The following CNGB3 variants were observed in gnomAD, a reference collection of about 807,000 sequenced individuals.
CNGB3 encodes cyclic nucleotide gated channel subunit beta 3, also known as cyclic nucleotide-gated channel beta-3.
Under a neutral mutation model 92.8 loss-of-function variants are expected in CNGB3, and 86 were observed. The ratio of observed to expected loss-of-function variants is 0.93; its 90% CI spans 0.78 to 1.11. The LOEUF (loss-of-function observed/expected upper bound fraction) is 1.11. Ranked by LOEUF, CNGB3 falls within the 50% of genes least tolerant of loss-of-function variation. CNGB3 has a pLI of 0.00. For missense variants in CNGB3, 1,026 were observed against 956.8 expected (o/e 1.07, Z -0.95); for synonymous variants, 333 against 332.7 (o/e 1.00, Z -0.01).
At chr8:86,580,541 T>C (rs893955341) in intron 15 of CNGB3, among the ~76,000 whole-genome samples, 2 of 152,216 alleles carry the variant, frequency 1.3e-5, no homozygotes, top group East Asian at 3.9e-4. Context: ...TGTCATAAGC[T>C]GCTCTATAAT....
chr8:86,706,838 A>G (rs1047359987), intron 3 of CNGB3, among the ~76,000 whole-genome samples: 1 of 152,184 alleles, frequency 6.6e-6, no homozygotes, highest in African/African-American at 2.4e-5. Flanking sequence ...TACTTCTTGT[A>G]CTTGTGGAAT....
chr8:86,688,113 A>T (rs1231324639), intron 3 of CNGB3, among the ~76,000 whole-genome samples: 1 of 152,004 alleles, frequency 6.6e-6, no homozygotes, highest in Admixed American at 6.6e-5. Context: ...CAGAAGCGTG[A>T]GGGTATGAAG....
intron 1 of CNGB3, among the ~76,000 whole-genome samples, chr8:86,740,775 CTATTAT>C (rs1437595528): frequency 6.6e-6 from 1 of 152,008 alleles, no homozygotes; most frequent in African/African-American, 2.4e-5. Flanking sequence ...GGCAAGGCAG[CTATTAT>C]TATTAATATT....
intron 10 of CNGB3, among the ~76,000 whole-genome samples, chr8:86,639,275 T>G (rs1328848013): frequency 1.3e-5 from 2 of 152,078 alleles, no homozygotes; most frequent in Non-Finnish European, 2.9e-5. Context: ...TGGACAAAAA[T>G]ACATTGGGAA....
At chr8:86,619,375 A>T (rs1822681656) in intron 13 of CNGB3, among the ~76,000 whole-genome samples, 1 of 152,180 alleles carries the variant, frequency 6.6e-6, no homozygotes, top group Non-Finnish European at 1.5e-5. Context: ...TTAGCTTAAT[A>T]CTTGTGCTTG....
intron 11 of CNGB3, among the ~76,000 whole-genome samples, chr8:86,631,321 C>A (rs1822956888): frequency 6.6e-6 from 1 of 152,136 alleles, no homozygotes; most frequent in Admixed American, 6.6e-5. Flanking sequence ...GATAATTGAA[C>A]TGGTGCTAGA....
intron 2 of CNGB3, among the ~76,000 whole-genome samples, chr8:86,735,368 G>A (rs1825233575): frequency 6.6e-6 from 1 of 151,686 alleles, no homozygotes; most frequent in Non-Finnish European, 1.5e-5. Context: ...AAAAATGGTT[G>A]TATTTTGTAT....
intron 3 of CNGB3, among the ~76,000 whole-genome samples, chr8:86,716,861 C>A (rs1824863223): frequency 6.6e-6 from 1 of 152,276 alleles, no homozygotes; most frequent in East Asian, 1.9e-4. Flanking sequence ...GGCATAGTAC[C>A]TCACATCTCA....
chr8:86,578,735 G>T lies in CNGB3; in HGVS notation c.2057C>A (p.Ala686Glu), dbSNP rs1199797998. 1 of 1,614,078 alleles carries T rather than the reference G, an allele frequency of 6.2e-7. No homozygotes were observed. Among genetic ancestry groups the T allele is most frequent in the South Asian group, 1.1e-5 (1 of 91,070 alleles). The part of the protein sequence containing the change: ...FKTLLGGTGK[A>E]SLARLLKLKR... ...CAATTTGAGTAGTCTTGCAAGACTTGCTTTTCCTGTGCCTCCTAGGAGAGT... is the reference window on the plus strand; with the variant it reads ...CAATTTGAGTAGTCTTGCAAGACTTTCTTTTCCTGTGCCTCCTAGGAGAGT... Residue 686 changes from alanine to glutamate, a missense_variant, in exon 17 of 18, where the codon GCA (alanine) becomes GAA (glutamate). Physicochemically the swap from Ala to Glu is moderately radical, Grantham distance 107. Coordinates refer to ENST00000320005, the MANE Select transcript of CNGB3 (RefSeq NM_019098.5).
rs3735971 is a variant in CNGB3, at chr8:86,575,986, G to T, written c.2248C>A (p.Pro750Thr). 6.2e-7 allele frequency: 1 copy of T among 1,613,892 alleles called. No homozygotes were observed. The highest frequency in any genetic ancestry group is 2.2e-5 in the East Asian group (1 of 44,862). ...KDKGREPEEK[P>T]LDRPECTASP... is the part of the protein sequence containing the mutation. Reference sequence around the variant, plus strand: ...GCTGTACATTCAGGTCTGTCCAGTGGCTTCTCTTCTGGCTCTCTTCCTTTA... The same window carrying T: ...GCTGTACATTCAGGTCTGTCCAGTGTCTTCTCTTCTGGCTCTCTTCCTTTA... Residue 750 changes from proline (P) to threonine (T), a missense_variant, in exon 18 of 18, where the codon CCA becomes ACA. Pro to Thr is a conservative substitution (Grantham distance 38). Coordinates refer to ENST00000320005, the MANE Select transcript of CNGB3 (RefSeq NM_019098.5).
At chr8:86,687,778 G>A (rs1824218553) in intron 3 of CNGB3, among the ~76,000 whole-genome samples, 1 of 151,860 alleles carries the variant, frequency 6.6e-6, no homozygotes, top group South Asian at 2.1e-4. Flanking sequence ...GCCTTTGACT[G>A]GGAGCTGGAG....
At chr8:86,579,045 C>T in intron 16 of CNGB3, 61 bp downstream of exon 16, 1 of 1,603,748 alleles carries the variant, frequency 6.2e-7, no homozygotes, top group Non-Finnish European at 8.5e-7. Context: ...TTCTCCCTAT[C>T]TCAGAGTTTA....
intron 13 of CNGB3, among the ~76,000 whole-genome samples, chr8:86,621,634 C>A (rs1486194444): frequency 6.6e-6 from 1 of 152,044 alleles, no homozygotes; most frequent in African/African-American, 2.4e-5. Context: ...TCCTTCACCC[C>A]CCTTCCCACC....
Position 86,579,161 on chromosome 8 carries a change from G to A in CNGB3, c.1873C>T (p.Gln625Ter), listed in dbSNP as rs747082741. Residue 625 changes from glutamine (Q) to a stop codon, truncating the protein, a stop_gained, in exon 16 of 18, where the codon CAA (glutamine) becomes TAA (stop). Transcript: ENST00000320005. LOFTEE classifies it high-confidence loss of function. ...NLLTLDKKTL[Q>*]EILVHYPDSE... The stretch of plus-strand genomic sequence containing the variant: ...TCTGGATAATGCACTAGAATTTCTT[G>A]GAGGGTCTTTTTGTCTAGAGTTAAA... The A allele has an allele frequency of 6.2e-7, 1 of 1,614,132 alleles. No homozygotes were observed. The highest frequency in any genetic ancestry group is 1.1e-5 in the South Asian group (1 of 91,080).
At chr8:86,692,748 G>T (rs149613052) in intron 3 of CNGB3, among the ~76,000 whole-genome samples, 1 of 151,982 alleles carries the variant, frequency 6.6e-6, no homozygotes, top group African/African-American at 2.4e-5. Context: ...GACATGTGAG[G>T]TAGGTACTGT....
intron 8 of CNGB3, 52 bp downstream of exon 8, chr8:86,647,739 TTATAGGGAAA>T: frequency 1.1e-6 from 1 of 929,900 alleles, no homozygotes; most frequent in Non-Finnish European, 1.8e-6. Flanking sequence ...AAGATTTCCA[TTATAGGGAAA>T]TAGAAATATT....
intron 3 of CNGB3, among the ~76,000 whole-genome samples, chr8:86,681,420 A>C (rs1218471723): frequency 6.6e-6 from 1 of 152,220 alleles, no homozygotes; most frequent in Non-Finnish European, 1.5e-5. Flanking sequence ...GTAAAAGTAC[A>C]CAAGGAAAGT....
chr8:86,644,545 A>G, intron 9 of CNGB3, 77 bp downstream of exon 9: 1 of 1,559,972 alleles, frequency 6.4e-7, no homozygotes, highest in East Asian at 2.3e-5. Context: ...GGGGGGTCAT[A>G]TCCCTGCCAA....
chr8:86,740,761 A>G (rs772384475), intron 1 of CNGB3, among the ~76,000 whole-genome samples: 5 of 152,184 alleles, frequency 3.3e-5, no homozygotes, highest in African/African-American at 4.8e-5. Context: ...AACCATATAC[A>G]TTAGGCAAGG....
Sources: gnomAD v4.1 joint callset for allele counts (sites outside exome capture counted in the v4.1 genomes callset) on GRCh38, gnomAD v4.1.1 for gene constraint, MANE v1.5 for transcripts, NCBI Gene and HGNC (gene_info 2026-07-23, HGNC 2026-07-21) for gene names.